Variants in SYNE1 observed in about 807,000 individuals in gnomAD.
SYNE1 encodes nesprin-1.
SYNE1 carries 616 observed loss-of-function variants against 1,111.0 expected under a neutral mutation model. The observed-to-expected ratio is 0.55, with a 90% confidence interval of 0.52 to 0.59. The LOEUF is 0.59. Ranked by LOEUF, SYNE1 falls within the 20% of genes least tolerant of loss-of-function variation. The pLI, the probability that SYNE1 is intolerant of heterozygous loss-of-function variation, is 0.00. For missense variants in SYNE1, 10,006 were observed against 10,417.0 expected (o/e 0.96, Z 1.72); for synonymous variants, 3,855 against 3,825.8 (o/e 1.01, Z -0.28).
chr6:152,449,492 A>G (rs746251304), intron 28 of SYNE1, 41 bp downstream of exon 28: 6 of 1,387,904 alleles, frequency 4.3e-6, no homozygotes, highest in African/African-American at 1.4e-5. Context: ...TTCTTCCACT[A>G]TGAGAAATTT....
rs140090745 is a variant in SYNE1 at position 152,262,123 on chromosome 6, T to A, written c.18881A>T (p.Gln6294Leu). Residue 6294 changes from glutamine (Q) to leucine (L), a missense_variant, in exon 101 of 146, where the codon CAG becomes CTG. Coordinates refer to ENST00000367255, the MANE Select transcript of SYNE1 (RefSeq NM_182961.4). ...MEGEKSSAED[Q>L]MRMKWESLHQ... is the part of the protein sequence containing the mutation. Reference sequence around the variant, plus strand: ...TAGGCTTTCCCATTTCATTCTCATCTGGTCTTCAGCGGATGATTTCTCCCC... The same window carrying A: ...TAGGCTTTCCCATTTCATTCTCATCAGGTCTTCAGCGGATGATTTCTCCCC... 336 of 1,613,694 alleles carry A rather than the reference T, an allele frequency of 2.1e-4. No individual in the cohort carries two copies. The East Asian group carries it at 7.3e-3, about 35-fold the overall frequency.
intron 98 of SYNE1, among the ~76,000 whole-genome samples, chr6:152,275,469 T>A (rs2093550149): frequency 6.6e-6 from 1 of 152,234 alleles, no homozygotes; most frequent in African/African-American, 2.4e-5. Flanking sequence ...AAAATATTTA[T>A]CAAATTCCTT....
intron 3 of SYNE1, among the ~76,000 whole-genome samples, chr6:152,616,116 C>T (rs1246552547): frequency 6.6e-6 from 1 of 152,136 alleles, no homozygotes; most frequent in African/African-American, 2.4e-5. Flanking sequence ...AATGATCTTT[C>T]CTTGTAAAGA....
chr6:152,436,075 A>T lies in SYNE1; in HGVS notation c.4176T>A (p.Ile1392=). The change falls in exon 33 of 146, where the codon ATT becomes ATA. Residue 1392 remains isoleucine, a synonymous_variant. Coordinates refer to ENST00000367255, the MANE Select transcript of SYNE1 (RefSeq NM_182961.4). The part of the protein sequence containing the change: ...TKEFSKRTES[I]AVQAENLVKE... ...TTACAAGGTTCTCAGCCTGGACTGCAATACTTTCTGTCCGTTTAGAAAACT... is the reference window on the plus strand; with the variant it reads ...TTACAAGGTTCTCAGCCTGGACTGCTATACTTTCTGTCCGTTTAGAAAACT... 1 of 1,614,032 alleles carries T rather than the reference A, an allele frequency of 6.2e-7. No homozygotes were observed. The highest frequency in any genetic ancestry group is 1.1e-5 in the South Asian group (1 of 91,052).
chr6:152,326,164 C>G, intron 79 of SYNE1, 62 bp from the exon 80 acceptor site: 2 of 1,613,398 alleles, frequency 1.2e-6, no homozygotes, highest in Non-Finnish European at 1.7e-6. Flanking sequence ...ACACGAAGCT[C>G]TGGTGTCAGT....
intron 59 of SYNE1, among the ~76,000 whole-genome samples, chr6:152,371,821 A>G (rs1393468562): frequency 1.0e-5 from 1 of 95,264 alleles, no homozygotes; most frequent in African/African-American, 4.1e-5. Flanking sequence ...AAGAAAGGAC[A>G]GGAAAGGACA....
intron 140 of SYNE1, among the ~76,000 whole-genome samples, chr6:152,138,836 G>C (rs1204048531): frequency 6.6e-6 from 1 of 152,128 alleles, no homozygotes; most frequent in Non-Finnish European, 1.5e-5. Context: ...TAGTGTCTGG[G>C]TTAAGGAGGA....
intron 99 of SYNE1, among the ~76,000 whole-genome samples, chr6:152,268,541 T>C (rs1197949274): frequency 6.6e-6 from 1 of 152,206 alleles, no homozygotes; most frequent in African/African-American, 2.4e-5. Context: ...AGTTCTCCAC[T>C]TAATTGATAA....
intron 127 of SYNE1, among the ~76,000 whole-genome samples, chr6:152,192,799 C>A (rs1156489632): frequency 1.3e-5 from 2 of 151,844 alleles, no homozygotes; most frequent in Non-Finnish European, 2.9e-5. Context: ...TGAATTAACC[C>A]CTTTTTCATC....
In SYNE1 at chr6:152,354,980, C is replaced by G. The variant is rs1269948816; in HGVS notation, c.10609-4G>C. On this transcript the variant is annotated splice_polypyrimidine_tract_variant and splice_region_variant and intron_variant, in intron 66 of 145. Transcript: ENST00000367255. Reference sequence around the variant, plus strand: ...CTGCACAGTGTACCTGTAGCTCCTGCAGAGAAAAAGGTATGGCTGTCACTC... The same window carrying G: ...CTGCACAGTGTACCTGTAGCTCCTGGAGAGAAAAAGGTATGGCTGTCACTC... The G allele has an allele frequency of 6.2e-7, 1 of 1,613,404 alleles. No individual in the cohort carries two copies. The highest frequency in any genetic ancestry group is 1.3e-5 in the African/African-American group (1 of 74,880).
At chr6:152,255,515 T>C in intron 103 of SYNE1, 76 bp downstream of exon 103, 1 of 1,520,514 alleles carries the variant, frequency 6.6e-7, no homozygotes, top group South Asian at 1.1e-5. Context: ...TCTTTATGCA[T>C]AAAATTAATT....
intron 39 of SYNE1, among the ~76,000 whole-genome samples, chr6:152,423,528 T>C (rs2098302031): frequency 6.6e-6 from 1 of 152,218 alleles, no homozygotes; most frequent in African/African-American, 2.4e-5. Flanking sequence ...TCTTCAGTTC[T>C]TGCCTGACCT....
chr6:152,146,024 CAAAAAAAAAAAAA>C (rs57218606), intron 137 of SYNE1: 2 of 49,714 alleles, frequency 4.0e-5, no homozygotes, highest in Admixed American at 3.0e-4. Flanking sequence ...GACTTCGTCT[CAAAAAAAAAAAAA>C]AAAAAAAAAA....
chr6:152,482,258 T>C (rs980720697), intron 14 of SYNE1, among the ~76,000 whole-genome samples: 4 of 152,138 alleles, frequency 2.6e-5, no homozygotes, highest in African/African-American at 7.2e-5. Flanking sequence ...TAAAAGGCAA[T>C]AAAATCTGTT....
chr6:152,352,333 C>T lies in SYNE1; in HGVS notation c.11274G>A (p.Glu3758=). The T allele has an allele frequency of 6.2e-7, 1 of 1,614,124 alleles. No homozygotes were observed. Among genetic ancestry groups the T allele is most frequent in the Non-Finnish European group, 8.5e-7 (1 of 1,180,026 alleles). The stretch of plus-strand genomic sequence containing the variant: ...CTGATTTCAGCAAACTGTGACCTTT[C>T]TCCATGTCTTTGAGCAAAACCTGAA... The part of the protein sequence containing the change: ...KTLEVLLKDM[E]KGHSLLKSAR... Residue 3758 remains glutamate, a synonymous_variant, in exon 70 of 146, where the codon GAG becomes GAA. Coordinates refer to ENST00000367255, the MANE Select transcript of SYNE1 (RefSeq NM_182961.4).
chr6:152,438,609 C>G (rs2098498512), intron 32 of SYNE1, among the ~76,000 whole-genome samples: 2 of 152,112 alleles, frequency 1.3e-5, no homozygotes, highest in East Asian at 3.9e-4. Context: ...GCTGAGTGAC[C>G]TTTGGCCACA....
At chr6:152,530,822 A>C (rs1199732884) in intron 4 of SYNE1, among the ~76,000 whole-genome samples, 1 of 151,910 alleles carries the variant, frequency 6.6e-6, no homozygotes, top group Non-Finnish European at 1.5e-5. Flanking sequence ...ACGGGGTTTC[A>C]CCGTGTTAGC....
At chr6:152,618,419 A>G (rs1050596736) in intron 3 of SYNE1, among the ~76,000 whole-genome samples, 2 of 152,220 alleles carry the variant, frequency 1.3e-5, no homozygotes, top group African/African-American at 4.8e-5. Flanking sequence ...AGGTCCTGAG[A>G]ATCTCAAAAT....
chr6:152,162,415 G>A (rs2062705402), intron 131 of SYNE1, among the ~76,000 whole-genome samples: 1 of 152,068 alleles, frequency 6.6e-6, no homozygotes, highest in Non-Finnish European at 1.5e-5. Flanking sequence ...TGGGGTTTTA[G>A]TAGTAGGTGG....
Sources: gnomAD v4.1 joint callset for allele counts (sites outside exome capture counted in the v4.1 genomes callset) on GRCh38, gnomAD v4.1.1 for gene constraint, MANE v1.5 for transcripts, NCBI Gene and HGNC (gene_info 2026-07-23, HGNC 2026-07-21) for gene names.